The following CAMTA1 variants were observed in gnomAD, a reference collection of about 807,000 sequenced individuals.
CAMTA1 encodes calmodulin binding transcription activator 1.
Under a neutral mutation model 170.9 loss-of-function variants are expected in CAMTA1, and 27 were observed. The ratio of observed to expected loss-of-function variants is 0.16; its 90% confidence interval spans 0.12 to 0.22. The LOEUF (loss-of-function observed/expected upper bound fraction) is 0.22, where lower values mean the gene tolerates loss of function less well. CAMTA1 is among the 10% of genes least tolerant of loss of function. CAMTA1 has a pLI of 1.00. For missense variants in CAMTA1, 1,619 were observed against 2,217.2 expected (o/e 0.73, Z 5.42); for synonymous variants, 833 against 891.5 (o/e 0.93, Z 1.17).
At chr1:7,745,726 A>C in intron 17 of CAMTA1, 119 bp from the exon 18 acceptor site, 1 of 1,203,520 alleles carries the variant, frequency 8.3e-7, no homozygotes, top group Admixed American at 1.8e-5. Context: ...GAATGAAGGC[A>C]TGTTCCTAAT....
At chr1:7,001,879 T>TTTCTTC (rs56185909) in intron 3 of CAMTA1, among the ~76,000 whole-genome samples, 54 of 133,470 alleles carry the variant, frequency 4.0e-4, no homozygotes, top group South Asian at 1.4e-3. Flanking sequence ...TTTTTCTTTC[T>TTTCTTC]TTCTTCTTCT....
At chr1:7,509,668 G>A (rs1011478913) in intron 6 of CAMTA1, among the ~76,000 whole-genome samples, 5 of 152,112 alleles carry the variant, frequency 3.3e-5, no homozygotes, top group Admixed American at 1.3e-4. Flanking sequence ...TAACTTGGCC[G>A]TAAAAACGTA....
chr1:7,061,626 T>C (rs967968302), intron 3 of CAMTA1, among the ~76,000 whole-genome samples: 1 of 151,410 alleles, frequency 6.6e-6, no homozygotes, highest in Non-Finnish European at 1.5e-5. Context: ...CAGGCAGATA[T>C]TCACTGTCAG....
chr1:7,638,667 T>C (rs2095735556), intron 6 of CAMTA1, among the ~76,000 whole-genome samples: 1 of 151,952 alleles, frequency 6.6e-6, no homozygotes, highest in Non-Finnish European at 1.5e-5. Flanking sequence ...GTTCAAGAAA[T>C]ACCCTCTGAT....
intron 10 of CAMTA1, among the ~76,000 whole-genome samples, chr1:7,676,490 A>C (rs17507442): frequency 0.046 from 6,984 of 152,276 alleles, 162 homozygotes; most frequent in Non-Finnish European, 0.06. Flanking sequence ...CGGGACTGGG[A>C]TCTGCATCAG....
chr1:7,524,101 C>A (rs965657822), intron 6 of CAMTA1, among the ~76,000 whole-genome samples: 3 of 151,730 alleles, frequency 2.0e-5, no homozygotes, highest in Non-Finnish European at 4.4e-5. Context: ...ACTTGGGAGG[C>A]TGAGGCAGAA....
intron 5 of CAMTA1, among the ~76,000 whole-genome samples, chr1:7,458,888 A>G (rs552607116): frequency 3.9e-5 from 6 of 152,384 alleles, no homozygotes; most frequent in Admixed American, 3.9e-4. Context: ...TCAGACTGCA[A>G]TCCATTTAGC....
chr1:6,928,759 T>C (rs1165777478), intron 3 of CAMTA1, among the ~76,000 whole-genome samples: 1 of 152,142 alleles, frequency 6.6e-6, no homozygotes, highest in Non-Finnish European at 1.5e-5. Context: ...ATTTTCCAGG[T>C]CTCACTTTAA....
chr1:6,785,585 G>C lies in CAMTA1; in HGVS notation c.45+10G>C. On this transcript the variant is annotated intron_variant, in intron 1 of 22. Coordinates refer to ENST00000303635, the MANE Select transcript of CAMTA1 (RefSeq NM_015215.4). ...GAAAACAAGCCGGAAGGTAAGAGCC[G>C]GAGCGCGAGGGGCTGGGGGGCGGCG... The C allele has an allele frequency of 9.6e-7, 1 of 1,046,482 alleles. No individual in the cohort carries two copies. The highest frequency in any genetic ancestry group is 1.2e-6 in the Non-Finnish European group (1 of 855,042). The allele number at this position is 1,046,482 out of a possible 1,614,324, so 64.8% of individuals were successfully genotyped here. A position where few individuals can be genotyped will look rare whatever the true frequency, so the allele number is the denominator to read the frequency against.
At chr1:6,806,851 A>G (rs1288281908) in intron 1 of CAMTA1, 5 of 399,832 alleles carry the variant, frequency 1.3e-5, no homozygotes, top group Non-Finnish European at 1.8e-5. Context: ...TATAATTGTT[A>G]TTATTACTGG....
At chr1:7,415,741 A>C (rs1357878979) in intron 5 of CAMTA1, among the ~76,000 whole-genome samples, 3 of 152,088 alleles carry the variant, frequency 2.0e-5, no homozygotes, top group Admixed American at 6.6e-5. Flanking sequence ...TTTTAATTGG[A>C]GCATTTAGCC....
intron 6 of CAMTA1, among the ~76,000 whole-genome samples, chr1:7,568,538 CCAT>C (rs955052306): frequency 2.0e-5 from 3 of 148,074 alleles, no homozygotes; most frequent in African/African-American, 7.6e-5. Flanking sequence ...ATCAGCATCA[CCAT>C]CATCATCACC....
chr1:7,277,682 C>T lies in CAMTA1; in HGVS notation c.438+28056C>T, dbSNP rs74052494. On this transcript the variant is annotated intron_variant, in intron 5 of 22. Transcript: ENST00000303635. ...AATTTATATTTATTGTAGAAGACTT[C>T]AGATAGTAGATAAAGACAAGGAAGA... is the stretch of plus-strand genomic sequence containing the variant. Among the ~76,000 whole-genome samples the T allele has an allele frequency of 1.5e-3, 234 of 152,044 alleles. 2 individuals are homozygous for T. Among genetic ancestry groups the T allele is most frequent in the African/African-American group, 5.5e-3 (226 of 41,456 alleles).
At chr1:7,350,110 C>A (rs565906533) in intron 5 of CAMTA1, among the ~76,000 whole-genome samples, 1 of 152,308 alleles carries the variant, frequency 6.6e-6, no homozygotes, top group Non-Finnish European at 1.5e-5. Context: ...CCTGCCCCAG[C>A]CTCCCGAGAG....
At chr1:7,724,810 G>A (rs1394315533) in intron 11 of CAMTA1, among the ~76,000 whole-genome samples, 1 of 133,396 alleles carries the variant, frequency 7.5e-6, no homozygotes, top group Non-Finnish European at 1.6e-5. Context: ...GCAACAGAGC[G>A]AGACTCTCAA....
At chr1:6,958,515 G>A (rs537660069) in intron 3 of CAMTA1, among the ~76,000 whole-genome samples, 5 of 152,264 alleles carry the variant, frequency 3.3e-5, no homozygotes, top group East Asian at 3.9e-4. Context: ...TTTCTGGAGC[G>A]CATCCCCAGG....
chr1:6,918,500 TA>T lies in CAMTA1; in HGVS notation c.234+93291del, dbSNP rs1490918538. ...CACAGATAAATGTCTCCCAATTGCA[TA>T]TAAATGTCTCGGCTTTACTGTACTA... On this transcript the variant is annotated intron_variant, in intron 3 of 22. Coordinates refer to ENST00000303635, the MANE Select transcript of CAMTA1 (RefSeq NM_015215.4). This position sits in a 1 kb window ranked among gnomAD's most constrained non-coding sequence, Gnocchi z 4.0. 6.6e-6 allele frequency among the ~76,000 whole-genome samples: 1 copy of T among 152,222 alleles called. No individual in the cohort carries two copies. The highest frequency in any genetic ancestry group is 6.5e-5 in the Admixed American group (1 of 15,286).
At chr1:7,643,555 TGGGAGGAATTA>T (rs1398323625) in intron 7 of CAMTA1, among the ~76,000 whole-genome samples, 2 of 152,092 alleles carry the variant, frequency 1.3e-5, no homozygotes, top group Non-Finnish European at 2.9e-5. Context: ...CCAGGCTGGG[TGGGAGGAATTA>T]GGCTTTATGA....
chr1:7,163,734 A>G (rs1196516330), intron 4 of CAMTA1, among the ~76,000 whole-genome samples: 1 of 152,152 alleles, frequency 6.6e-6, no homozygotes, highest in African/African-American at 2.4e-5. Context: ...AACGGTGAAC[A>G]GTATGTCAAT....
Sources: allele counts gnomAD v4.1 joint callset (sites outside exome capture counted in the v4.1 genomes callset), GRCh38; gene constraint gnomAD v4.1.1; non-coding constraint Gnocchi (gnomAD v3.1); transcripts MANE v1.5; gene names NCBI Gene and HGNC (gene_info 2026-07-23, HGNC 2026-07-21).